Variants in GCAT observed in about 807,000 individuals in gnomAD.
GCAT encodes 2-amino-3-ketobutyrate coenzyme A ligase, mitochondrial.
GCAT carries 26 observed loss-of-function variants against 39.7 expected under a neutral mutation model. The observed-to-expected ratio is 0.65, with a 90% CI of 0.48 to 0.91. The LOEUF (loss-of-function observed/expected upper bound fraction) is 0.91, where lower values mean the gene tolerates loss of function less well. GCAT is among the 40% of genes least tolerant of loss of function. The pLI, the probability that GCAT is intolerant of heterozygous loss-of-function variation, is 0.00. For missense variants in GCAT, 550 were observed against 576.2 expected, an observed-to-expected ratio of 0.95 and a Z score of 0.47; for synonymous variants, 218 against 237.2, an observed-to-expected ratio of 0.92 and a Z score of 0.74.
rs764001412 is a variant in GCAT, at chr22:37,813,560, A to G, written c.527A>G (p.Tyr176Cys). 68 of 1,613,440 alleles carry G rather than the reference A, an allele frequency of 4.2e-5. No individual in the cohort carries two copies. Among genetic ancestry groups the G allele is most frequent in the East Asian group, 1.8e-4 (8 of 44,894 alleles). ...CTGTGCAAGGCCCACAAGTACCGCT[A>G]TCGCCACCTGGACATGGCCGACCTA... ...IRLCKAHKYR[Y>C]RHLDMADLEA... Residue 176 changes from tyrosine (Y) to cysteine (C), a missense_variant, in exon 4 of 9, where the codon TAT (tyrosine) becomes TGT (cysteine). Physicochemically the swap from Tyr to Cys is radical, Grantham distance 194. Coordinates refer to ENST00000248924, the MANE Select transcript of GCAT (RefSeq NM_014291.4).
Position 37,808,003 on chromosome 22 carries a change from C to G in GCAT, c.36C>G (p.Phe12Leu), listed in dbSNP as rs984346161. Reference sequence around the variant, plus strand: ...GGAACGCCTGGCGCGCCGCACTCTTCTGGGTGCCCCGCGGCCGCCGCGCAC... The same window carrying G: ...GGAACGCCTGGCGCGCCGCACTCTTGTGGGTGCCCCGCGGCCGCCGCGCAC... ...WPGNAWRAAL[F>L]WVPRGRRAQS... The change falls in exon 1 of 9, where the codon TTC (phenylalanine) becomes TTG (leucine). Residue 12 changes from phenylalanine (F) to leucine (L), a missense_variant. Phe to Leu is a conservative substitution (Grantham distance 22, BLOSUM62 0). Coordinates refer to ENST00000248924, the MANE Select transcript of GCAT (RefSeq NM_014291.4). 1.3e-6 allele frequency: 2 copies of G among 1,543,776 alleles called. No individual in the cohort carries two copies. Among genetic ancestry groups the G allele is most frequent in the East Asian group, 2.5e-5 (1 of 39,928 alleles).
chr22:37,811,090 C>T (rs1213883219), intron 2 of GCAT, among the ~76,000 whole-genome samples: 1 of 152,136 alleles, frequency 6.6e-6, no homozygotes, highest in African/African-American at 2.4e-5. Context: ...TTCCTGTGGG[C>T]AAGTATCTTA....
chr22:37,810,125 C>A lies in GCAT; in HGVS notation c.295C>A (p.Leu99Ile). 1 of 1,613,800 alleles carries A rather than the reference C, an allele frequency of 6.2e-7. No homozygotes were observed. Among genetic ancestry groups the A allele is most frequent in the Non-Finnish European group, 8.5e-7 (1 of 1,179,636 alleles). ...GGCTCTGGAGGAGTTTGGAGCTGGC[C>A]TCAGCTCTGTCCGCTTTATCTGTGG... The part of the protein sequence containing the change: ...LQALEEFGAG[L>I]SSVRFICGTQ... Residue 99 changes from leucine to isoleucine, a missense_variant, in exon 2 of 9, where the codon CTC (leucine) becomes ATC (isoleucine). Leu to Ile is a conservative substitution (Grantham distance 5). Transcript: ENST00000248924.
In GCAT at chr22:37,813,004, C is replaced by T. The variant is rs768483620; in HGVS notation, c.429+16C>T. The T allele has an allele frequency of 1.3e-6, 2 of 1,571,840 alleles. No individual in the cohort carries two copies. Among genetic ancestry groups the T allele is most frequent in the Admixed American group, 3.3e-5 (2 of 59,958 alleles). ...CCTCTTTGAGGTGTGTGGAAGCTGT[C>T]CTGCGGGTGAGGGTTGGTGGGGCCT... On this transcript the variant is annotated intron_variant, in intron 3 of 8. Transcript: ENST00000248924.
intron 2 of GCAT, among the ~76,000 whole-genome samples, chr22:37,811,659 G>A (rs1014290037): frequency 2.6e-5 from 4 of 151,494 alleles, no homozygotes; most frequent in East Asian, 3.9e-4. Flanking sequence ...TTGGCCAGGC[G>A]TGGTGGCTTA....
intron 4 of GCAT, 53 bp downstream of exon 4, chr22:37,813,662 G>T (rs1921860473): frequency 6.7e-7 from 1 of 1,494,954 alleles, no homozygotes; most frequent in Admixed American, 2.1e-5. Flanking sequence ...AGGAAGTGAG[G>T]CTTAGAGAGG....
chr22:37,809,879 G>A lies in GCAT; in HGVS notation c.197-148G>A, dbSNP rs542617851. 3.1e-6 allele frequency: 3 copies of A among 978,990 alleles called. No homozygotes were observed. In the African/African-American group the frequency reaches 4.8e-5, roughly 16 times the overall value. 60.6% of individuals were successfully genotyped at this position (978,990 alleles called of 1,614,324 possible). The stretch of plus-strand genomic sequence containing the variant: ...GATGTGTAGCACTGACGCTCCTTCT[G>A]TAGCTGTTGAATTTGGTGCCTCCTC... On this transcript the variant is annotated intron_variant, in intron 1 of 8. Transcript: ENST00000248924.
intron 4 of GCAT, among the ~76,000 whole-genome samples, 198 bp from the exon 5 acceptor site, chr22:37,814,928 C>G (rs1039467185): frequency 2.0e-5 from 3 of 152,218 alleles, no homozygotes; most frequent in African/African-American, 7.2e-5. Context: ...CTGTCCAGAG[C>G]TCAGGGTGGA....
chr22:37,813,698 C>A, intron 4 of GCAT, 89 bp downstream of exon 4: 1 of 1,257,530 alleles, frequency 8.0e-7, no homozygotes, highest in Non-Finnish European at 1.1e-6. Flanking sequence ...CAGAGATAGC[C>A]TGAAAGTTTG....
At chr22:37,809,893 T>C (rs1164930374) in intron 1 of GCAT, 134 bp from the exon 2 acceptor site, 23 of 1,131,372 alleles carry the variant, frequency 2.0e-5, no homozygotes, top group Non-Finnish European at 2.7e-5. Flanking sequence ...CTGTTGAATT[T>C]GGTGCCTCCT....
Position 37,815,666 on chromosome 22 carries a change from G to C in GCAT, c.818G>C (p.Gly273Ala). 6.2e-7 allele frequency: 1 copy of C among 1,609,480 alleles called. No homozygotes were observed. The highest frequency in any genetic ancestry group is 8.5e-7 in the Non-Finnish European group (1 of 1,176,954). The change falls in exon 7 of 9, where the codon GGC becomes GCC. Residue 273 changes from glycine (G) to alanine (A), a missense_variant. This residue lies in a region of GCAT where 378 missense variants were observed against 390.4 expected (regional missense o/e 0.97). Transcript: ENST00000248924. Reference sequence around the variant, plus strand: ...CCACCTCTTCCCTTCTTCTCAGGGGGCTACACGACAGGGCCTGGGCCCCTG... The same window carrying C: ...CCACCTCTTCCCTTCTTCTCAGGGGCCTACACGACAGGGCCTGGGCCCCTG... ...LGKALGGASG[G>A]YTTGPGPLVS...
In GCAT at chr22:37,816,246, A is replaced by C. The variant is rs759868023; in HGVS notation, c.1033A>C (p.Ser345Arg). ...EAAGFTISGASHPICPVMLGD... is the reference protein window; with the variant it reads ...EAAGFTISGARHPICPVMLGD... ...TGCTGGCTTCACTATCTCGGGAGCCAGTCACCCCATCTGCCCTGTGATGCT... is the reference window on the plus strand; with the variant it reads ...TGCTGGCTTCACTATCTCGGGAGCCCGTCACCCCATCTGCCCTGTGATGCT... Residue 345 changes from serine to arginine, a missense_variant, in exon 8 of 9, where the codon AGT becomes CGT. Physicochemically the swap from Ser to Arg is moderately radical, Grantham distance 110. Around this residue, in one of 3 missense-constraint regions of GCAT, gnomAD observed 378 missense variants for 390.4 expected, o/e 0.97. Coordinates refer to ENST00000248924, the MANE Select transcript of GCAT (RefSeq NM_014291.4). 1.2e-6 allele frequency: 2 copies of C among 1,613,468 alleles called. No individual in the cohort carries two copies. The highest frequency in any genetic ancestry group is 1.7e-6 in the Non-Finnish European group (2 of 1,179,988).
intron 3 of GCAT, 136 bp from the exon 4 acceptor site, chr22:37,813,327 A>G: frequency 1.0e-6 from 1 of 974,770 alleles, no homozygotes; most frequent in Non-Finnish European, 1.6e-6. Context: ...CCCAGAGAGA[A>G]GCACAGAACA....
intron 3 of GCAT, 100 bp from the exon 4 acceptor site, chr22:37,813,363 C>T (rs1163497886): frequency 1.5e-6 from 2 of 1,317,642 alleles, no homozygotes; most frequent in Non-Finnish European, 2.1e-6. Context: ...CAGAGGAGCG[C>T]CCTGGCTGGC....
intron 7 of GCAT, 62 bp downstream of exon 7, chr22:37,815,896 G>A: frequency 1.9e-6 from 3 of 1,584,374 alleles, no homozygotes; most frequent in Non-Finnish European, 1.7e-6. Flanking sequence ...AGCCTCATGT[G>A]TCTGCCCAGG....
chr22:37,809,887 T>A, intron 1 of GCAT, 140 bp from the exon 2 acceptor site: 1 of 1,085,470 alleles, frequency 9.2e-7, no homozygotes, highest in Non-Finnish European at 1.4e-6. Context: ...CTGTAGCTGT[T>A]GAATTTGGTG....
At chr22:37,809,819 C>CAAA (rs373397808) in intron 1 of GCAT, 1 of 538,526 alleles carries the variant, frequency 1.9e-6, no homozygotes, top group Admixed American at 3.1e-5. Flanking sequence ...GACCCTGTCT[C>CAAA]AAAAAAAAAA....
chr22:37,807,978 G>A lies in GCAT; in HGVS notation c.11G>A (p.Gly4Glu). 2.6e-6 allele frequency: 4 copies of A among 1,534,498 alleles called. No individual in the cohort carries two copies. The highest frequency in any genetic ancestry group is 2.6e-6 in the Non-Finnish European group (3 of 1,143,298). The change falls in exon 1 of 9, where the codon GGG becomes GAG. Residue 4 changes from glycine (G) to glutamate (E), a missense_variant. Coordinates refer to ENST00000248924, the MANE Select transcript of GCAT (RefSeq NM_014291.4). ...GGCGAGGTAGGAGCGATGTGGCCTG[G>A]GAACGCCTGGCGCGCCGCACTCTTC... MWP[G>E]NAWRAALFWV...
chr22:37,813,522 C>T lies in GCAT; in HGVS notation c.489C>T (p.Ile163=), dbSNP rs780750004. The change falls in exon 4 of 9, where the codon ATC becomes ATT. Residue 163 remains isoleucine (I), a synonymous_variant. Coordinates refer to ENST00000248924, the MANE Select transcript of GCAT (RefSeq NM_014291.4). The part of the protein sequence containing the change: ...LSDELNHASI[I]DGIRLCKAHK... ...ACGAGCTGAACCATGCCTCCATCAT[C>T]GACGGCATCCGGCTGTGCAAGGCCC... 5 of 1,612,750 alleles carry T rather than the reference C, an allele frequency of 3.1e-6. No homozygotes were observed. The highest frequency in any genetic ancestry group is 3.3e-5 in the Admixed American group (2 of 59,898).
Sources: gnomAD v4.1 joint callset for allele counts (sites outside exome capture counted in the v4.1 genomes callset) on GRCh38, gnomAD v4.1.1 for gene constraint, gnomAD v4.1.1 regional missense constraint, MANE v1.5 for transcripts, NCBI Gene and HGNC (gene_info 2026-07-23, HGNC 2026-07-21) for gene names.